The following PTPRK variants were observed in gnomAD, a reference collection of about 807,000 sequenced individuals.
The protein encoded by PTPRK is receptor-type tyrosine-protein phosphatase kappa.
Under a neutral mutation model 178.0 loss-of-function variants are expected in PTPRK, and 75 were observed. That is an observed-to-expected ratio of 0.42 (90% CI 0.35 to 0.51). The LOEUF is 0.51. PTPRK is among the 20% of genes least tolerant of loss of function. The probability of loss-of-function intolerance (pLI) is 0.02; values close to 1 mark genes in which losing one functional copy is unlikely to be tolerated. For missense variants in PTPRK, 1,441 were observed against 1,797.8 expected (o/e 0.80, Z 3.59); for synonymous variants, 637 against 620.6 (o/e 1.03, Z -0.39).
At chr6:128,485,658 G>A (rs1852717883) in intron 1 of PTPRK, among the ~76,000 whole-genome samples, 1 of 152,164 alleles carries the variant, frequency 6.6e-6, no homozygotes, top group Admixed American at 6.5e-5. Context: ...AAGAGCCCAT[G>A]GAAGAGCGAT....
intron 2 of PTPRK, among the ~76,000 whole-genome samples, chr6:128,359,337 G>GAGTATAACAA (rs1412913230): frequency 6.6e-6 from 1 of 152,106 alleles, no homozygotes; most frequent in Non-Finnish European, 1.5e-5. Flanking sequence ...TTCTATCTTT[G>GAGTATAACAA]AGTATAACAA....
rs1346382219 is a variant in PTPRK at position 128,009,165 on chromosome 6, G to A, written c.2298C>T (p.Leu766=). The A allele has an allele frequency of 1.9e-6, 3 of 1,608,728 alleles. No individual in the cohort carries two copies. Among genetic ancestry groups the A allele is most frequent in the Admixed American group, 1.7e-5 (1 of 59,600 alleles). Residue 766 remains leucine (L), a synonymous_variant, in exon 14 of 30, where the codon CTC becomes CTT. Transcript: ENST00000368226. ...GISAGILVFI[L]LLLVVILIVK... is the part of the protein sequence containing the mutation. ...CAATTAATATGACAACTAGGAGAAG[G>A]AGGATGAACACCAAAATTCCAGCAC...
At chr6:128,219,239 T>A in intron 5 of PTPRK, 143 bp from the exon 6 acceptor site, 1 of 764,272 alleles carries the variant, frequency 1.3e-6, no homozygotes, top group Middle Eastern at 3.9e-4. Flanking sequence ...AGGAAAAGAA[T>A]GTAAGTAAAT....
At chr6:128,425,865 T>A (rs770858229) in intron 1 of PTPRK, among the ~76,000 whole-genome samples, 1 of 152,206 alleles carries the variant, frequency 6.6e-6, no homozygotes, top group South Asian at 2.1e-4. Context: ...CCAATAAGCA[T>A]CGGCAAAAAA....
chr6:128,271,225 G>A (rs1819766283), intron 3 of PTPRK, among the ~76,000 whole-genome samples: 1 of 152,128 alleles, frequency 6.6e-6, no homozygotes, highest in Non-Finnish European at 1.5e-5. Flanking sequence ...AGAGGACCAG[G>A]TGCTAAAGAA....
chr6:128,134,028 T>C (rs1054071019), intron 7 of PTPRK, among the ~76,000 whole-genome samples: 5 of 152,202 alleles, frequency 3.3e-5, no homozygotes, highest in African/African-American at 7.2e-5. Flanking sequence ...TGACAACCTA[T>C]GAGCTTTTAT....
chr6:128,480,065 C>G (rs967083674), intron 1 of PTPRK, among the ~76,000 whole-genome samples: 1 of 152,048 alleles, frequency 6.6e-6, no homozygotes, highest in African/African-American at 2.4e-5. Context: ...CTGAATTACA[C>G]GAAAGTGCTG....
chr6:128,343,810 C>T (rs1832018859), intron 2 of PTPRK, among the ~76,000 whole-genome samples: 1 of 152,102 alleles, frequency 6.6e-6, no homozygotes, highest in African/African-American at 2.4e-5. Flanking sequence ...AGCCAAAGTC[C>T]TTATATCTCC....
chr6:128,498,967 T>C (rs1855139621), intron 1 of PTPRK, among the ~76,000 whole-genome samples: 1 of 152,252 alleles, frequency 6.6e-6, no homozygotes, highest in African/African-American at 2.4e-5. Context: ...CAATGTTCCA[T>C]TGAGTATCAC....
chr6:128,070,036 C>G (rs1458185498), intron 11 of PTPRK, among the ~76,000 whole-genome samples: 2 of 152,032 alleles, frequency 1.3e-5, no homozygotes, highest in African/African-American at 4.8e-5. Flanking sequence ...TTCTAAAATA[C>G]AAGTAACATG....
intron 6 of PTPRK, among the ~76,000 whole-genome samples, chr6:128,218,583 C>T (rs919218991): frequency 1.3e-5 from 2 of 152,066 alleles, no homozygotes; most frequent in East Asian, 1.9e-4. Flanking sequence ...AAGTAGTATC[C>T]GCAGAACTGT....
Position 127,981,265 on chromosome 6 carries a change from G to A in PTPRK, c.3562C>T (p.Leu1188=). 1 of 1,613,746 alleles carries A rather than the reference G, an allele frequency of 6.2e-7. No individual in the cohort carries two copies. The highest frequency in any genetic ancestry group is 8.5e-7 in the Non-Finnish European group (1 of 1,179,860). ...FQTLNSVTPR[L]QAEDCSIACL... The stretch of plus-strand genomic sequence containing the variant: ...GCTATACTGCAGTCTTCAGCTTGTA[G>A]TCGAGGGGTGACTGAATTCAGAGTC... Residue 1188 remains leucine, a synonymous_variant, in exon 25 of 30, where the codon CTA becomes TTA. Coordinates refer to ENST00000368226, the MANE Select transcript of PTPRK (RefSeq NM_002844.4).
At chr6:127,970,342 A>C in intron 29 of PTPRK, 62 bp from the exon 30 acceptor site, 1 of 1,367,980 alleles carries the variant, frequency 7.3e-7, no homozygotes, top group Non-Finnish European at 1.0e-6. Context: ...GTTGAATAAC[A>C]GTTACCAAAT....
At chr6:128,325,338 C>G (rs1829403503) in intron 2 of PTPRK, among the ~76,000 whole-genome samples, 1 of 152,000 alleles carries the variant, frequency 6.6e-6, no homozygotes, top group Non-Finnish European at 1.5e-5. Flanking sequence ...TCTAATTAAA[C>G]TAAAGAGCTT....
intron 1 of PTPRK, among the ~76,000 whole-genome samples, chr6:128,442,165 A>G (rs931586324): frequency 1.3e-5 from 2 of 152,240 alleles, no homozygotes; most frequent in Non-Finnish European, 2.9e-5. Flanking sequence ...AAGTTTAAAT[A>G]TGCAAAAGAT....
At position 128,003,284 on chromosome 6, in the gene PTPRK, T is replaced by G. The variant is rs1475752101; in HGVS notation, c.2494+1800A>C. ...AATATATTGCTCTAAAATTGTTTTT[T>G]AAAATCTTTTTTCTTTAAAATAGAT... is the stretch of plus-strand genomic sequence containing the variant. On this transcript the variant is annotated intron_variant, in intron 15 of 29. Transcript: ENST00000368226. The G allele has an allele frequency of 2.0e-6, 3 of 1,464,410 alleles. No homozygotes were observed. The African/African-American group carries it at 4.2e-5, about 21-fold the overall frequency. 90.7% of individuals were successfully genotyped at this position (1,464,410 alleles called of 1,614,324 possible). A position where few individuals can be genotyped will look rare whatever the true frequency, so the allele number is the denominator to read the frequency against.
At chr6:128,100,894 T>G (rs1171117345) in intron 7 of PTPRK, among the ~76,000 whole-genome samples, 1 of 151,948 alleles carries the variant, frequency 6.6e-6, no homozygotes, top group African/African-American at 2.4e-5. Context: ...AAAAAGTAAT[T>G]TATGTCTCAA....
chr6:128,131,455 A>G (rs533367145), intron 7 of PTPRK, among the ~76,000 whole-genome samples: 1 of 152,228 alleles, frequency 6.6e-6, no homozygotes, highest in East Asian at 1.9e-4. Context: ...GTGGTGGGGG[A>G]TGGCAGGTGC....
Position 128,202,484 on chromosome 6 carries a change from G to T in PTPRK, c.868+16438C>A, listed in dbSNP as rs116114033. On this transcript the variant is annotated intron_variant, in intron 6 of 29. Transcript: ENST00000368226. ...TCTGGACCCGGGATTCCCAGGGAGG[G>T]TCACTACATACTCCTAGGAGCGGGG... Among the ~76,000 whole-genome samples the T allele has an allele frequency of 4.5e-3, 683 of 152,250 alleles. 3 individuals are homozygous for T. Among genetic ancestry groups the T allele is most frequent in the African/African-American group, 0.016 (647 of 41,532 alleles).
Sources: gnomAD v4.1 joint callset for allele counts (sites outside exome capture counted in the v4.1 genomes callset) on GRCh38, gnomAD v4.1.1 for gene constraint, MANE v1.5 for transcripts, NCBI Gene and HGNC (gene_info 2026-07-23, HGNC 2026-07-21) for gene names.